PPM1G: variants seen among roughly 807,000 people sequenced by gnomAD.
PPM1G encodes the protein protein phosphatase, Mg2+/Mn2+ dependent 1G.
Under a neutral mutation model 59.4 loss-of-function variants are expected in PPM1G, and 12 were observed. The observed-to-expected ratio is 0.20, with a 90% CI of 0.13 to 0.33. The LOEUF is 0.33. Among genes scored for constraint, PPM1G ranks in the 10% least tolerant of loss-of-function variants. The probability of loss-of-function intolerance (pLI) is 1.00; values close to 1 mark genes in which losing one functional copy is unlikely to be tolerated. For synonymous variants in PPM1G, 245 were observed against 251.9 expected (o/e 0.97, Z 0.26); for missense variants, 392 against 681.3 (o/e 0.58, Z 4.73).
Position 27,401,152 on chromosome 2 carries a change from CTTGGG to C in PPM1G, c.120+8146_120+8150del, listed in dbSNP as rs1684169717. ...CTGATCTAGAAAGAAGCAAAAGAAC[CTTGGG>C]TCAGCAAAATACTTATTCTTAAATC... On this transcript the variant is annotated intron_variant, in intron 1 of 9. Coordinates refer to ENST00000344034, the MANE Select transcript of PPM1G (RefSeq NM_177983.3). Among the ~76,000 whole-genome samples, 3 of 152,196 alleles carry C rather than the reference CTTGGG, an allele frequency of 2.0e-5. No homozygotes were observed. In the East Asian group the frequency reaches 5.8e-4, roughly 29 times the overall value.
At chr2:27,402,762 G>A (rs531122094) in intron 1 of PPM1G, among the ~76,000 whole-genome samples, 2 of 151,566 alleles carry the variant, frequency 1.3e-5, no homozygotes, top group South Asian at 2.1e-4. Flanking sequence ...AGCTGAGACC[G>A]CGCAACTGCA....
intron 1 of PPM1G, among the ~76,000 whole-genome samples, chr2:27,401,685 GTGT>G (rs1684182856): frequency 6.6e-6 from 1 of 152,234 alleles, no homozygotes; most frequent in Non-Finnish European, 1.5e-5. Flanking sequence ...AATTAGCTGG[GTGT>G]GGTGGCGTGA....
chr2:27,401,706 G>C (rs193237938), intron 1 of PPM1G, among the ~76,000 whole-genome samples: 48 of 152,228 alleles, frequency 3.2e-4, no homozygotes, highest in African/African-American at 1.1e-3. Context: ...TGAGCCTGTA[G>C]TTCCAGCTAC....
chr2:27,384,553 C>G lies in PPM1G; in HGVS notation c.825+120G>C. 1 of 1,225,796 alleles carries G rather than the reference C, an allele frequency of 8.2e-7. No individual in the cohort carries two copies. The allele number at this position is 1,225,796 out of a possible 1,614,324, so 75.9% of individuals were successfully genotyped here. On this transcript the variant is annotated intron_variant, in intron 5 of 9. Transcript: ENST00000344034. This position sits in a 1 kb window ranked among gnomAD's most constrained non-coding sequence, Gnocchi z 4.8. The stretch of plus-strand genomic sequence containing the variant: ...GAATTCAAGACTAAAGCTTAGAATA[C>G]AGTGGGTCTTGGGGGATGATGTCAA...
chr2:27,406,830 C>T (rs752806228), intron 1 of PPM1G, among the ~76,000 whole-genome samples: 2 of 152,016 alleles, frequency 1.3e-5, no homozygotes, highest in Non-Finnish European at 2.9e-5. Flanking sequence ...CTGGAAGAAA[C>T]GTTTTACTGC....
chr2:27,385,250 T>TC lies in PPM1G; in HGVS notation c.410-163dup. ...CAGAAGAACATGCCCTAGCTCCTCC[T>TC]CCTCCACAGACTTCTTTTGGTTTTT... On this transcript the variant is annotated intron_variant, in intron 4 of 9. Transcript: ENST00000344034. This position sits in a 1 kb window ranked among gnomAD's most constrained non-coding sequence, Gnocchi z 4.1. The TC allele has an allele frequency of 1.4e-6, 1 of 698,680 alleles. No individual in the cohort carries two copies. Among genetic ancestry groups the TC allele is most frequent in the South Asian group, 2.3e-5 (1 of 42,678 alleles). 43.3% of individuals were successfully genotyped at this position (698,680 alleles called of 1,614,324 possible).
Position 27,386,048 on chromosome 2 carries a change from G to T in PPM1G, c.276+146C>A, listed in dbSNP as rs1683757355. ...AATAATAAGGCAAGTCTAAAAGGCGGCCAATAAGCTCGTTTTAGGAACAGA... is the reference window on the plus strand; with the variant it reads ...AATAATAAGGCAAGTCTAAAAGGCGTCCAATAAGCTCGTTTTAGGAACAGA... On this transcript the variant is annotated intron_variant, in intron 3 of 9. Transcript: ENST00000344034. The T allele has an allele frequency of 4.1e-6, 5 of 1,226,202 alleles. No homozygotes were observed. In the Admixed American group the frequency reaches 6.6e-5, roughly 16 times the overall value. 76.0% of individuals were successfully genotyped at this position (1,226,202 alleles called of 1,614,324 possible).
rs755481511 is a variant in PPM1G, at chr2:27,381,692, C to T, written c.1548G>A (p.Glu516=). Residue 516 remains glutamate (E), a synonymous_variant, in exon 10 of 10, where the codon GAG becomes GAA. Transcript: ENST00000344034. ...CCTCCTCTAGTTTTCGCTTGCCACT[C>T]TCTGGCTGGAGCTCTGCTGTGTTTC... ...KPRNTAELQP[E]SGKRKLEEVL... The T allele has an allele frequency of 2.7e-5, 44 of 1,613,916 alleles. No individual in the cohort carries two copies. The highest frequency in any genetic ancestry group is 3.7e-5 in the Non-Finnish European group (44 of 1,180,024).
intron 1 of PPM1G, among the ~76,000 whole-genome samples, chr2:27,407,570 A>C (rs916313525): frequency 6.6e-6 from 1 of 152,118 alleles, no homozygotes; most frequent in East Asian, 1.9e-4. Context: ...CCCAGCCTAG[A>C]TATTTCTAAT....
intron 1 of PPM1G, chr2:27,393,221 CA>C: frequency 6.4e-7 from 1 of 1,563,874 alleles, no homozygotes; most frequent in South Asian, 1.1e-5. Flanking sequence ...CAAAGTTCTT[CA>C]AAGCCACATC....
At position 27,383,561 on chromosome 2, in the gene PPM1G, T is replaced by A; in HGVS notation, c.1006A>T (p.Ile336Leu). The A allele has an allele frequency of 6.2e-7, 1 of 1,614,046 alleles. No individual in the cohort carries two copies. The change falls in exon 7 of 10, where the codon ATA becomes TTA. Residue 336 changes from isoleucine (I) to leucine (L), a missense_variant. By Grantham distance (5) the Ile-to-Leu change is conservative. Transcript: ENST00000344034. This position sits in a 1 kb window ranked among gnomAD's most constrained non-coding sequence, Gnocchi z 5.0. ...GCTACAATCAACTGCTTCCCTCGTA[T>A]CAGGGCCACCACCGCTGTTGTACCA... ...DSGTTAVVAL[I>L]RGKQLIVANA...
intron 1 of PPM1G, among the ~76,000 whole-genome samples, chr2:27,394,149 G>A (rs1683987900): frequency 2.0e-5 from 3 of 151,950 alleles, no homozygotes; most frequent in Non-Finnish European, 2.9e-5. Flanking sequence ...CGCCTGCCTC[G>A]GCCTCCCAAA....
chr2:27,394,461 G>A (rs1384111212), intron 1 of PPM1G, among the ~76,000 whole-genome samples: 5 of 151,798 alleles, frequency 3.3e-5, no homozygotes, highest in East Asian at 1.9e-4. Flanking sequence ...GGCTGGGCAC[G>A]GTGACCCCCC....
chr2:27,384,147 A>G lies in PPM1G; in HGVS notation c.826-55T>C, dbSNP rs1683707125. 2 of 1,611,004 alleles carry G rather than the reference A, an allele frequency of 1.2e-6. No individual in the cohort carries two copies. The highest frequency in any genetic ancestry group is 1.7e-6 in the Non-Finnish European group (2 of 1,178,728). ...GACTGGGATGATCCCCTCCCTCCCCACAGCTCATACTCAGAATCAAGAGGT... is the reference window on the plus strand; with the variant it reads ...GACTGGGATGATCCCCTCCCTCCCCGCAGCTCATACTCAGAATCAAGAGGT... On this transcript the variant is annotated intron_variant, in intron 5 of 9. Coordinates refer to ENST00000344034, the MANE Select transcript of PPM1G (RefSeq NM_177983.3). The surrounding 1 kb of genome is among the most constrained non-coding windows in gnomAD (Gnocchi z 4.8).
At chr2:27,392,281 GTTTT>G (rs1294471437) in intron 1 of PPM1G, among the ~76,000 whole-genome samples, 2 of 78,778 alleles carry the variant, frequency 2.5e-5, no homozygotes, top group East Asian at 2.9e-4. Flanking sequence ...TTGTTGGTTT[GTTTT>G]GTTTTTTTTT....
Position 27,385,617 on chromosome 2 carries a change from T to C in PPM1G, c.409+130A>G. On this transcript the variant is annotated intron_variant, in intron 4 of 9. Transcript: ENST00000344034. This position sits in a 1 kb window ranked among gnomAD's most constrained non-coding sequence, Gnocchi z 4.1. ...TAACCACATACAATGCAGGAGAACA[T>C]CATAGGTTTCTTTAACATAAGGACT... is the stretch of plus-strand genomic sequence containing the variant. The C allele has an allele frequency of 8.5e-7, 1 of 1,180,168 alleles. No individual in the cohort carries two copies. The highest frequency in any genetic ancestry group is 1.2e-6 in the Non-Finnish European group (1 of 851,218). 73.1% of individuals were successfully genotyped at this position (1,180,168 alleles called of 1,614,324 possible). A position where few individuals can be genotyped will look rare whatever the true frequency, so the allele number is the denominator to read the frequency against.
At position 27,399,170 on chromosome 2, in the gene PPM1G, C is replaced by A. The variant is rs538824141; in HGVS notation, c.120+10133G>T. Among the ~76,000 whole-genome samples the A allele has an allele frequency of 9.2e-5, 14 of 151,784 alleles. No homozygotes were observed. The South Asian group carries it at 1.7e-3, about 18-fold the overall frequency. On this transcript the variant is annotated intron_variant, in intron 1 of 9. Transcript: ENST00000344034. The stretch of plus-strand genomic sequence containing the variant: ...AAAACAACAACAACAACAACAACAA[C>A]AAAAACAAAACAAAAAAAGAAAGCA...
At chr2:27,397,057 T>C (rs993882042) in intron 1 of PPM1G, among the ~76,000 whole-genome samples, 13 of 151,940 alleles carry the variant, frequency 8.6e-5, no homozygotes, top group African/African-American at 3.1e-4. Context: ...TTAGTAGAGA[T>C]GGGGTTTCTC....
rs1362062326 is a variant in PPM1G, at chr2:27,391,064, C to T, written c.121-3906G>A. Among the ~76,000 whole-genome samples, 3 of 152,284 alleles carry T rather than the reference C, an allele frequency of 2.0e-5. No individual in the cohort carries two copies. In the East Asian group the frequency reaches 5.8e-4, roughly 29 times the overall value. ...CCATGATGGCTATGTACCATATTTT[C>T]TTTTCTTTTCTAGTCCGCCACTGAT... On this transcript the variant is annotated intron_variant, in intron 1 of 9. Coordinates refer to ENST00000344034, the MANE Select transcript of PPM1G (RefSeq NM_177983.3).
Sources: gnomAD v4.1 joint callset for allele counts (sites outside exome capture counted in the v4.1 genomes callset) on GRCh38, gnomAD v4.1.1 for gene constraint, Gnocchi (gnomAD v3.1) non-coding constraint, MANE v1.5 for transcripts, NCBI Gene and HGNC (gene_info 2026-07-23, HGNC 2026-07-21) for gene names.